Variants in PRKN observed in about 807,000 individuals in gnomAD.
PRKN encodes parkin RBR E3 ubiquitin protein ligase.
Under a neutral mutation model 59.5 loss-of-function variants are expected in PRKN, and 56 were observed. That is an observed-to-expected ratio of 0.94 (90% CI 0.76 to 1.18). The LOEUF (loss-of-function observed/expected upper bound fraction) is 1.18, where lower values mean the gene tolerates loss of function less well. PRKN is among the 50% of genes most tolerant of loss of function. PRKN has a pLI of 0.00. For missense variants in PRKN, 657 were observed against 596.4 expected (o/e 1.10, Z -1.06); for synonymous variants, 250 against 222.1 (o/e 1.13, Z -1.12).
intron 7 of PRKN, among the ~76,000 whole-genome samples, chr6:161,573,111 G>A (rs904444876): frequency 5.3e-5 from 8 of 152,156 alleles, no homozygotes; most frequent in Admixed American, 4.6e-4. Context: ...CCGAGTGTCC[G>A]AAGGGTAGAG....
intron 1 of PRKN, among the ~76,000 whole-genome samples, chr6:162,644,996 T>C (rs1461272947): frequency 6.6e-6 from 1 of 152,180 alleles, no homozygotes; most frequent in Middle Eastern, 3.2e-3. Context: ...TATTGAGCAA[T>C]TGCTATTAAT....
chr6:162,686,729 G>A (rs1777570381), intron 1 of PRKN, among the ~76,000 whole-genome samples: 1 of 152,116 alleles, frequency 6.6e-6, no homozygotes, highest in South Asian at 2.1e-4. Context: ...CTGGAAAACA[G>A]GTATGTGGAG....
intron 1 of PRKN, among the ~76,000 whole-genome samples, chr6:162,689,956 T>C (rs1457982749): frequency 1.3e-5 from 2 of 152,166 alleles, no homozygotes; most frequent in Non-Finnish European, 2.9e-5. Context: ...ATAGCATAAA[T>C]CAGAAGTCTT....
chr6:162,355,407 C>CTA (rs1003552631), intron 2 of PRKN, among the ~76,000 whole-genome samples: 40 of 151,178 alleles, frequency 2.6e-4, no homozygotes, highest in Non-Finnish European at 4.6e-4. Context: ...ATCTATCTAT[C>CTA]TATATATATA....
rs1787051478 is a variant in PRKN, at chr6:161,401,537, C to G, written c.1084-14660G>C. Among the ~76,000 whole-genome samples the G allele has an allele frequency of 6.6e-6, 1 of 151,964 alleles. No homozygotes were observed. The highest frequency in any genetic ancestry group is 6.6e-5 in the Admixed American group (1 of 15,240). ...CTGAGGCAGGAGAATTGCTTGAACC[C>G]AGGAGGCGGAGGCTGCAGTGAGCCG... On this transcript the variant is annotated intron_variant, in intron 9 of 11. Transcript: ENST00000366898. The surrounding 1 kb of genome is among the most constrained non-coding windows in gnomAD (Gnocchi z 4.4).
At chr6:162,046,895 C>A (rs989492587) in intron 5 of PRKN, among the ~76,000 whole-genome samples, 1 of 97,204 alleles carries the variant, frequency 1.0e-5, no homozygotes. Context: ...TAATTTTAAC[C>A]TTAACAATTA....
Position 161,468,656 on chromosome 6 carries a change from T to C in PRKN, c.1083+80198A>G, listed in dbSNP as rs79981644. Among the ~76,000 whole-genome samples, 1 of 152,332 alleles carries C rather than the reference T, an allele frequency of 6.6e-6. No individual in the cohort carries two copies. Among genetic ancestry groups the C allele is most frequent in the East Asian group, 1.9e-4 (1 of 5,180 alleles). On this transcript the variant is annotated intron_variant, in intron 9 of 11. Coordinates refer to ENST00000366898, the MANE Select transcript of PRKN (RefSeq NM_004562.3). This position sits in a 1 kb window ranked among gnomAD's most constrained non-coding sequence, Gnocchi z 5.9. ...TGTCACCACAGTCTAAGTTACCATCTCCTGTCCTTGCATCCATGGCCGGGG... is the reference window on the plus strand; with the variant it reads ...TGTCACCACAGTCTAAGTTACCATCCCCTGTCCTTGCATCCATGGCCGGGG...
intron 11 of PRKN, among the ~76,000 whole-genome samples, chr6:161,350,916 A>G (rs1158003756): frequency 1.1e-5 from 1 of 91,550 alleles, no homozygotes; most frequent in African/African-American, 4.8e-5. Flanking sequence ...TATTTTATAT[A>G]TTTATATTTA....
intron 3 of PRKN, among the ~76,000 whole-genome samples, chr6:162,204,556 T>A (rs748341187): frequency 1.1e-4 from 16 of 152,198 alleles, no homozygotes; most frequent in Non-Finnish European, 2.1e-4. Context: ...AAACCCAGAT[T>A]TACCAAATTC....
At chr6:162,490,029 A>G (rs1362639612) in intron 1 of PRKN, among the ~76,000 whole-genome samples, 1 of 152,162 alleles carries the variant, frequency 6.6e-6, no homozygotes, top group Non-Finnish European at 1.5e-5. Flanking sequence ...ATATTGTCCC[A>G]TTGTAGAGAT....
chr6:161,913,346 A>C (rs548436931), intron 6 of PRKN, among the ~76,000 whole-genome samples: 15 of 152,182 alleles, frequency 9.9e-5, no homozygotes, highest in Non-Finnish European at 1.9e-4. Context: ...AAATAAGAAA[A>C]AAGTCAACTC....
rs1429209278 is a variant in PRKN, at chr6:162,304,512, T to TATC, written c.172-41750_172-41748dup. On this transcript the variant is annotated intron_variant, in intron 2 of 11. Coordinates refer to ENST00000366898, the MANE Select transcript of PRKN (RefSeq NM_004562.3). ...AGTTCTATCTATCTATCTATCTATC[T>TATC]ATCTATCTATCTATCTATCTATCTA... Among the ~76,000 whole-genome samples, 217 of 138,960 alleles carry TATC rather than the reference T, an allele frequency of 1.6e-3. 11 individuals are homozygous for TATC. The highest frequency in any genetic ancestry group is 5.7e-3 in the African/African-American group (213 of 37,348). The allele number at this position is 138,960 out of a possible 152,430, so 91.2% of individuals were successfully genotyped here.
At chr6:161,942,534 A>T (rs1051005488) in intron 6 of PRKN, among the ~76,000 whole-genome samples, 3 of 152,202 alleles carry the variant, frequency 2.0e-5, no homozygotes, top group African/African-American at 7.2e-5. Context: ...CCATCTCAAA[A>T]AAATAAATAA....
chr6:162,173,520 C>T (rs1337159764), intron 4 of PRKN, among the ~76,000 whole-genome samples: 1 of 138,006 alleles, frequency 7.2e-6, no homozygotes, highest in Non-Finnish European at 1.5e-5. Flanking sequence ...TTTCAGGTAT[C>T]TATTTTGATG....
intron 6 of PRKN, among the ~76,000 whole-genome samples, chr6:161,965,681 C>T (rs540942559): frequency 6.6e-6 from 1 of 152,160 alleles, no homozygotes; most frequent in African/African-American, 2.4e-5. Context: ...ATCAATCAAA[C>T]ACATTTAAGA....
intron 1 of PRKN, among the ~76,000 whole-genome samples, chr6:162,686,920 C>A (rs2128234153): frequency 1.3e-5 from 2 of 152,216 alleles, no homozygotes; most frequent in South Asian, 4.1e-4. Flanking sequence ...TTACTGTAGT[C>A]TTACAGTATA....
chr6:161,898,050 C>G (rs1014686841), intron 6 of PRKN, among the ~76,000 whole-genome samples: 5 of 149,916 alleles, frequency 3.3e-5, no homozygotes, highest in Non-Finnish European at 7.4e-5. Context: ...AAGAACAAAT[C>G]TCTGATTATT....
At chr6:161,723,473 T>C (rs567227019) in intron 7 of PRKN, among the ~76,000 whole-genome samples, 1 of 152,114 alleles carries the variant, frequency 6.6e-6, no homozygotes, top group Non-Finnish European at 1.5e-5. Context: ...AACCTACAGT[T>C]TCTGCTGGGG....
rs60785278 is a variant in PRKN, at chr6:161,662,964, G to C, written c.872-93548C>G. ...TCCCCACATGTCGTGGAAGAAATCC[G>C]GTAGGAGGTAAGTGAATCATAGGGG... On this transcript the variant is annotated intron_variant, in intron 7 of 11. Coordinates refer to ENST00000366898, the MANE Select transcript of PRKN (RefSeq NM_004562.3). 4.4e-3 allele frequency among the ~76,000 whole-genome samples: 662 copies of C among 152,126 alleles called. 6 individuals carry two copies. The highest frequency in any genetic ancestry group is 0.015 in the African/African-American group (629 of 41,500).
Sources: allele counts gnomAD v4.1 joint callset (sites outside exome capture counted in the v4.1 genomes callset), GRCh38; gene constraint gnomAD v4.1.1; non-coding constraint Gnocchi (gnomAD v3.1); transcripts MANE v1.5; gene names NCBI Gene and HGNC (gene_info 2026-07-23, HGNC 2026-07-21).